Variants in CACNA2D3 observed in about 807,000 individuals in gnomAD.
CACNA2D3 encodes voltage-dependent calcium channel subunit alpha-2/delta-3.
Under a neutral mutation model 160.6 loss-of-function variants are expected in CACNA2D3, and 60 were observed. That is an observed-to-expected ratio of 0.37 (90% CI 0.30 to 0.46). The LOEUF is 0.46. Among genes scored for constraint, CACNA2D3 ranks in the 20% least tolerant of loss-of-function variants. The pLI, the probability that CACNA2D3 is intolerant of heterozygous loss-of-function variation, is 1.00. For synonymous variants in CACNA2D3, 558 were observed against 492.9 expected, an observed-to-expected ratio of 1.13 and a Z score of -1.75; for missense variants, 1,205 against 1,365.0, an observed-to-expected ratio of 0.88 and a Z score of 1.85.
chr3:54,256,197 T>G (rs1702290419), intron 2 of CACNA2D3, among the ~76,000 whole-genome samples: 1 of 152,182 alleles, frequency 6.6e-6, no homozygotes, highest in African/African-American at 2.4e-5. Flanking sequence ...AGGTGTGTGG[T>G]GTGGTCAAAA....
At chr3:54,709,221 G>T (rs1700911358) in intron 11 of CACNA2D3, among the ~76,000 whole-genome samples, 1 of 151,850 alleles carries the variant, frequency 6.6e-6, no homozygotes, top group African/African-American at 2.4e-5. Context: ...CACCATATTG[G>T]CCAGGCTGGT....
intron 4 of CACNA2D3, among the ~76,000 whole-genome samples, chr3:54,492,244 T>C (rs528280854): frequency 2.0e-5 from 3 of 152,250 alleles, no homozygotes; most frequent in African/African-American, 7.2e-5. Context: ...GCCCAGGTGG[T>C]CCTTAGGGAA....
intron 2 of CACNA2D3, among the ~76,000 whole-genome samples, chr3:54,204,193 CTCTGCTTTATAGA>C (rs1701228539): frequency 6.6e-6 from 1 of 152,112 alleles, no homozygotes; most frequent in Non-Finnish European, 1.5e-5. Context: ...TTTTCTGGGT[CTCTGCTTTATAGA>C]TGGCAGATTG....
chr3:54,709,504 G>A (rs1686040172), intron 11 of CACNA2D3, among the ~76,000 whole-genome samples: 1 of 152,070 alleles, frequency 6.6e-6, no homozygotes, highest in South Asian at 2.1e-4. Context: ...GGGACTGCAG[G>A]TGTACATCAC....
chr3:54,291,221 C>G (rs1703195425), intron 2 of CACNA2D3, among the ~76,000 whole-genome samples: 1 of 152,118 alleles, frequency 6.6e-6, no homozygotes, highest in South Asian at 2.1e-4. Context: ...CTATCATGAA[C>G]ATATATTACT....
intron 11 of CACNA2D3, among the ~76,000 whole-genome samples, chr3:54,666,382 G>C (rs1397981820): frequency 6.6e-6 from 1 of 152,182 alleles, no homozygotes; most frequent in Non-Finnish European, 1.5e-5. Context: ...TTGGAACAAA[G>C]CTCTGCCTAG....
chr3:54,949,407 A>T (rs1701699312), intron 27 of CACNA2D3, among the ~76,000 whole-genome samples: 1 of 152,200 alleles, frequency 6.6e-6, no homozygotes, highest in Non-Finnish European at 1.5e-5. Flanking sequence ...CTATTATTCC[A>T]GCTCAGCTGG....
At chr3:54,561,938 G>T (rs1433226428) in intron 5 of CACNA2D3, among the ~76,000 whole-genome samples, 1 of 152,216 alleles carries the variant, frequency 6.6e-6, no homozygotes. Flanking sequence ...ATGGTAACAT[G>T]CAAGAGAGCA....
Position 54,654,094 on chromosome 3 carries a change from A to G in CACNA2D3, c.1167+11853A>G, listed in dbSNP as rs979638600. The stretch of plus-strand genomic sequence containing the variant: ...CTTGCCACTGAGCCCACAGCAATGA[A>G]ACTGGAAGTCTCCAGTTTCAACCCA... On this transcript the variant is annotated intron_variant, in intron 11 of 37. Transcript: ENST00000474759. Among the ~76,000 whole-genome samples the G allele has an allele frequency of 2.6e-5, 4 of 152,102 alleles. No homozygotes were observed. The East Asian group carries it at 7.7e-4, about 29-fold the overall frequency.
chr3:54,867,979 G>A (rs1699441297), intron 17 of CACNA2D3, among the ~76,000 whole-genome samples: 1 of 152,018 alleles, frequency 6.6e-6, no homozygotes, highest in Non-Finnish European at 1.5e-5. Context: ...GTTCCCTACA[G>A]GAAAACCGAG....
chr3:54,229,527 G>T (rs1701732979), intron 2 of CACNA2D3, among the ~76,000 whole-genome samples: 1 of 151,978 alleles, frequency 6.6e-6, no homozygotes, highest in South Asian at 2.1e-4. Context: ...TAGAGACAGG[G>T]TCTTGCCATG....
At chr3:54,927,063 A>G (rs895780980) in intron 27 of CACNA2D3, among the ~76,000 whole-genome samples, 16 of 152,244 alleles carry the variant, frequency 1.1e-4, no homozygotes, top group Non-Finnish European at 1.9e-4. Context: ...AGTAATATCC[A>G]AAACTCAAAA....
chr3:54,839,084 C>T (rs555067935), intron 16 of CACNA2D3, among the ~76,000 whole-genome samples: 125 of 152,168 alleles, frequency 8.2e-4, no homozygotes, highest in Non-Finnish European at 1.3e-3. Context: ...GGTGAAACCC[C>T]GTCTCTACTA....
chr3:54,613,774 G>GT (rs1482826772), intron 9 of CACNA2D3, among the ~76,000 whole-genome samples: 1 of 152,132 alleles, frequency 6.6e-6, no homozygotes, highest in Non-Finnish European at 1.5e-5. Context: ...CCATGACTTT[G>GT]TTACAATTAT....
chr3:54,560,353 T>A (rs910672554), intron 5 of CACNA2D3, among the ~76,000 whole-genome samples: 7 of 152,352 alleles, frequency 4.6e-5, no homozygotes, highest in South Asian at 4.1e-4. Context: ...TGAGCTTTTT[T>A]AAATGTGATT....
rs1056183159 is a variant in CACNA2D3 at position 55,033,754 on chromosome 3, T to A, written c.2987+15437T>A. 1.9e-4 allele frequency among the ~76,000 whole-genome samples: 18 copies of A among 92,882 alleles called. 1 individual carries two copies. The highest frequency in any genetic ancestry group is 1.0e-3 in the South Asian group (3 of 2,962). The allele number at this position is 92,882 out of a possible 152,430, so 60.9% of individuals were successfully genotyped here. On this transcript the variant is annotated intron_variant, in intron 35 of 37. Transcript: ENST00000474759. ...ATATTTTATATAATATATATTATAT[T>A]AAATATATATTATATAATATGTATT...
At chr3:54,256,883 A>G (rs1702307129) in intron 2 of CACNA2D3, among the ~76,000 whole-genome samples, 1 of 152,210 alleles carries the variant, frequency 6.6e-6, no homozygotes, top group African/African-American at 2.4e-5. Flanking sequence ...TTAACAGGAT[A>G]CAATAGAAGT....
intron 14 of CACNA2D3, among the ~76,000 whole-genome samples, chr3:54,820,713 A>AATG (rs1287094918): frequency 6.6e-6 from 1 of 152,196 alleles, no homozygotes; most frequent in African/African-American, 2.4e-5. Context: ...TGAATTCAAC[A>AATG]ATGAAGAGAG....
At chr3:54,830,183 T>A (rs973105235) in intron 14 of CACNA2D3, among the ~76,000 whole-genome samples, 18 of 152,118 alleles carry the variant, frequency 1.2e-4, no homozygotes, top group Non-Finnish European at 2.1e-4. Context: ...GACCTCATGA[T>A]CCACCTGCCT....
Sources: allele counts gnomAD v4.1 joint callset (sites outside exome capture counted in the v4.1 genomes callset), GRCh38; gene constraint gnomAD v4.1.1; transcripts MANE v1.5; gene names NCBI Gene and HGNC (gene_info 2026-07-23, HGNC 2026-07-21).